Variants in LARGE1 observed in about 807,000 individuals in gnomAD.
The protein encoded by LARGE1 is LARGE xylosyl- and glucuronyltransferase 1, also known as xylosyl- and glucuronyltransferase LARGE1.
A neutral mutation model predicts 87.6 loss-of-function variants in LARGE1; 43 were observed. That is an observed-to-expected ratio of 0.49 (90% confidence interval 0.38 to 0.63). The LOEUF is 0.63. LARGE1 is among the 30% of genes least tolerant of loss of function. The pLI is 0.00. For missense variants in LARGE1, 802 were observed against 1,000.2 expected, an observed-to-expected ratio of 0.80 and a Z score of 2.67; for synonymous variants, 434 against 394.6, an observed-to-expected ratio of 1.10 and a Z score of -1.18.
At chr22:33,362,413 T>C (rs559160139) in intron 9 of LARGE1, among the ~76,000 whole-genome samples, 3 of 149,870 alleles carry the variant, frequency 2.0e-5, no homozygotes, top group East Asian at 3.9e-4. Context: ...ATTTACAAGA[T>C]TGCTTGGCTC....
chr22:33,515,118 TAA>T (rs57550411), intron 6 of LARGE1, among the ~76,000 whole-genome samples: 14 of 134,348 alleles, frequency 1.0e-4, no homozygotes, highest in South Asian at 2.4e-4. Context: ...CAGGTGTAGC[TAA>T]AAAAAAAAAA....
chr22:33,283,846 G>T (rs909610543), intron 12 of LARGE1, among the ~76,000 whole-genome samples: 5 of 122,374 alleles, frequency 4.1e-5, no homozygotes, highest in African/African-American at 1.3e-4. Flanking sequence ...GAAAAGAAAA[G>T]AAAGAAAAAG....
At chr22:33,135,992 G>A in the LARGE1 span, among the ~76,000 whole-genome samples, 20 of 152,114 alleles carry the variant, frequency 1.3e-4, no homozygotes, top group Admixed American at 2.6e-4. Context: ...TCTTCTTGAA[G>A]TTTCATAATA....
intron 12 of LARGE1, among the ~76,000 whole-genome samples, chr22:33,290,103 G>A (rs1932261883): frequency 6.6e-6 from 1 of 152,106 alleles, no homozygotes; most frequent in South Asian, 2.1e-4. Context: ...ACGGTGGCAT[G>A]GAATTACCAA....
At chr22:33,715,422 G>A (rs2082880053) in intron 2 of LARGE1, among the ~76,000 whole-genome samples, 1 of 152,108 alleles carries the variant, frequency 6.6e-6, no homozygotes, top group African/African-American at 2.4e-5. Context: ...CTGGATACTG[G>A]GTAACGCCTG....
the LARGE1 span, among the ~76,000 whole-genome samples, chr22:33,143,138 T>C: frequency 1.3e-5 from 2 of 152,162 alleles, no homozygotes. Flanking sequence ...CACAAGGTGA[T>C]ACTGATGAAA....
chr22:33,328,504 G>A (rs554453835), intron 10 of LARGE1, among the ~76,000 whole-genome samples: 3 of 151,986 alleles, frequency 2.0e-5, no homozygotes, highest in South Asian at 2.1e-4. Flanking sequence ...GCTTGAACCC[G>A]GGAGGCGGAG....
chr22:33,212,851 A>G (rs941398741), intron 11 of LARGE1, among the ~76,000 whole-genome samples: 1 of 152,092 alleles, frequency 6.6e-6, no homozygotes, highest in Non-Finnish European at 1.5e-5. Context: ...CCCCGTCTCT[A>G]CTAAAAATAC....
At chr22:33,071,400 G>A in the LARGE1 span, among the ~76,000 whole-genome samples, 1 of 152,202 alleles carries the variant, frequency 6.6e-6, no homozygotes, top group East Asian at 1.9e-4. Flanking sequence ...TTGTTAAAGT[G>A]TGTGTCATGA....
At chr22:33,819,929 C>T (rs928328536) in intron 1 of LARGE1, among the ~76,000 whole-genome samples, 13 of 152,270 alleles carry the variant, frequency 8.5e-5, no homozygotes, top group African/African-American at 2.9e-4. Context: ...ACATGTGCAG[C>T]GTGATGTGGG....
chr22:33,242,118 T>C (rs1042391289), intron 11 of LARGE1, among the ~76,000 whole-genome samples: 1 of 152,134 alleles, frequency 6.6e-6, no homozygotes, highest in Admixed American at 6.5e-5. Flanking sequence ...CCAATAAATA[T>C]ATTTAAAATA....
intron 3 of LARGE1, among the ~76,000 whole-genome samples, chr22:33,643,980 G>A (rs1258630544): frequency 6.6e-6 from 1 of 152,096 alleles, no homozygotes; most frequent in East Asian, 1.9e-4. Context: ...TCTTACCAGA[G>A]GTACAAAGAG....
At chr22:33,185,015 C>T (rs1923401816) in intron 11 of LARGE1, among the ~76,000 whole-genome samples, 1 of 152,110 alleles carries the variant, frequency 6.6e-6, no homozygotes, top group African/African-American at 2.4e-5. Flanking sequence ...TAAAATTAAA[C>T]ATAATTTAGT....
intron 11 of LARGE1, among the ~76,000 whole-genome samples, chr22:33,216,673 C>T (rs1216076173): frequency 6.6e-6 from 1 of 150,628 alleles, no homozygotes; most frequent in East Asian, 2.0e-4. Flanking sequence ...CAAAAACAAA[C>T]AAGAATTAAT....
At chr22:33,572,756 G>A (rs1018091709) in intron 5 of LARGE1, among the ~76,000 whole-genome samples, 2 of 152,108 alleles carry the variant, frequency 1.3e-5, no homozygotes, top group African/African-American at 4.8e-5. Flanking sequence ...TGTAATCCCA[G>A]CTACTTGGGA....
chr22:33,124,337 A>C, the LARGE1 span, among the ~76,000 whole-genome samples: 1 of 46,348 alleles, frequency 2.2e-5, no homozygotes, highest in Non-Finnish European at 4.3e-5. Context: ...AGAAAGAGAC[A>C]AAGAGACAAA....
intron 12 of LARGE1, among the ~76,000 whole-genome samples, chr22:33,292,001 G>A (rs1932679435): frequency 6.6e-6 from 1 of 152,186 alleles, no homozygotes; most frequent in Non-Finnish European, 1.5e-5. Context: ...GGCTGATGCA[G>A]GAGAATCGCT....
At chr22:33,911,955 T>C (rs1032868495) in intron 1 of LARGE1, among the ~76,000 whole-genome samples, 7 of 152,194 alleles carry the variant, frequency 4.6e-5, no homozygotes, top group Non-Finnish European at 1.0e-4. Flanking sequence ...ACCCCAGTAA[T>C]GAAAACATGA....
chr22:33,478,106 G>A (rs1306512829), intron 6 of LARGE1, among the ~76,000 whole-genome samples: 1 of 152,178 alleles, frequency 6.6e-6, no homozygotes, highest in Non-Finnish European at 1.5e-5. Context: ...TGGGAGAGAG[G>A]AGGATAGGGC....
Sources: allele counts gnomAD v4.1 joint callset (sites outside exome capture counted in the v4.1 genomes callset), GRCh38; gene constraint gnomAD v4.1.1; transcripts MANE v1.5; gene names NCBI Gene and HGNC (gene_info 2026-07-23, HGNC 2026-07-21).